Variants in PCDH15 observed in about 807,000 individuals in gnomAD.
The protein encoded by PCDH15 is protocadherin related 15.
A neutral mutation model predicts 178.5 loss-of-function variants in PCDH15; 129 were observed. That is an observed-to-expected ratio of 0.72 (90% confidence interval 0.63 to 0.84). The LOEUF (loss-of-function observed/expected upper bound fraction) is 0.84, where lower values mean the gene tolerates loss of function less well. PCDH15 is among the 40% of genes least tolerant of loss of function. The probability of loss-of-function intolerance (pLI) is 0.00; values close to 1 mark genes in which losing one functional copy is unlikely to be tolerated. For missense variants in PCDH15, 2,230 were observed against 2,099.9 expected, an observed-to-expected ratio of 1.06 and a Z score of -1.21; for synonymous variants, 800 against 732.0, an observed-to-expected ratio of 1.09 and a Z score of -1.50.
chr10:55,321,430 T>C (rs919922280), upstream of PCDH15, among the ~76,000 whole-genome samples: 33 of 152,238 alleles, frequency 2.2e-4, 1 homozygote, highest in African/African-American at 6.7e-4. Context: ...ACTGAGAATA[T>C]TGTATATTGA....
chr10:55,325,645 G>A (rs1844011403), intron 2 of PCDH15, among the ~76,000 whole-genome samples: 1 of 151,936 alleles, frequency 6.6e-6, no homozygotes. Context: ...CTGGACATAA[G>A]AACTGGCAAA....
intron 2 of PCDH15, among the ~76,000 whole-genome samples, chr10:55,399,232 G>A (rs1405583508): frequency 6.6e-6 from 1 of 151,948 alleles, no homozygotes; most frequent in Non-Finnish European, 1.5e-5. Context: ...AAATTCTTGG[G>A]ATTTTAACTG....
intron 25 of PCDH15, among the ~76,000 whole-genome samples, chr10:53,922,317 C>T (rs200584454): frequency 5.9e-4 from 64 of 108,060 alleles, no homozygotes; most frequent in African/African-American, 1.9e-3. Flanking sequence ...TAAAAAATAC[C>T]TTTTTATAGA....
chr10:54,021,105 TAGAA>T (rs906270734), intron 19 of PCDH15, among the ~76,000 whole-genome samples: 6 of 151,838 alleles, frequency 4.0e-5, no homozygotes, highest in African/African-American at 1.4e-4. Flanking sequence ...AATACTAAAA[TAGAA>T]AGGAAAAAAA....
At chr10:54,075,106 G>T (rs185681411) in intron 17 of PCDH15, among the ~76,000 whole-genome samples, 8 of 152,160 alleles carry the variant, frequency 5.3e-5, no homozygotes, top group Non-Finnish European at 1.2e-4. Context: ...GGCTGGGCGT[G>T]GTGGCTCACA....
At chr10:54,324,291 C>T (rs1042576168) in intron 7 of PCDH15, among the ~76,000 whole-genome samples, 2 of 151,830 alleles carry the variant, frequency 1.3e-5, no homozygotes, top group African/African-American at 4.8e-5. Flanking sequence ...TATTTCTGTC[C>T]ATAAAGATAA....
At chr10:54,596,192 A>C (rs2092229509) in intron 2 of PCDH15, among the ~76,000 whole-genome samples, 1 of 152,172 alleles carries the variant, frequency 6.6e-6, no homozygotes, top group Admixed American at 6.5e-5. Context: ...GAAAGAAAAA[A>C]ATGTTAAAAG....
At chr10:54,266,946 C>T (rs537058286) in intron 8 of PCDH15, among the ~76,000 whole-genome samples, 7 of 152,034 alleles carry the variant, frequency 4.6e-5, no homozygotes, top group African/African-American at 1.4e-4. Context: ...CCTATATCAT[C>T]CTGATACCAA....
chr10:55,299,919 G>C (rs1457786131), intron 1 of PCDH15, among the ~76,000 whole-genome samples: 1 of 152,072 alleles, frequency 6.6e-6, no homozygotes, highest in Non-Finnish European at 1.5e-5. Flanking sequence ...CATGAATGCG[G>C]CATGTCACAT....
chr10:54,212,346 T>TA (rs1340667958), intron 10 of PCDH15, among the ~76,000 whole-genome samples: 7 of 152,110 alleles, frequency 4.6e-5, no homozygotes, highest in Admixed American at 3.9e-4. Flanking sequence ...CCCAAACCCT[T>TA]AATAAATGAA....
intron 15 of PCDH15, among the ~76,000 whole-genome samples, chr10:54,094,611 C>G (rs901772558): frequency 3.3e-5 from 5 of 152,112 alleles, no homozygotes; most frequent in African/African-American, 1.2e-4. Context: ...GTACTTCGAC[C>G]ACTTTAATAC....
In PCDH15 at chr10:54,888,379, C is replaced by T. The variant is rs191448800; in HGVS notation, c.-29+9071G>A. 4.8e-4 allele frequency among the ~76,000 whole-genome samples: 72 copies of T among 151,472 alleles called. 1 individual carries two copies. The highest frequency in any genetic ancestry group is 3.4e-3 in the Middle Eastern group (1 of 294). On this transcript the variant is annotated intron_variant, in intron 3 of 5. Transcript: ENST00000458638. ...GTTAGGTATATCAATATTTCTTTTC[C>T]CTGAATTATGAATATTCCAATGCAC...
At chr10:55,549,780 A>G (rs1841967291) in intron 2 of PCDH15, among the ~76,000 whole-genome samples, 2 of 152,082 alleles carry the variant, frequency 1.3e-5, no homozygotes, top group Non-Finnish European at 1.5e-5. Context: ...TTTTGTCACT[A>G]ATGTTGTCAG....
intron 1 of PCDH15, among the ~76,000 whole-genome samples, chr10:55,254,383 A>C (rs1452962402): frequency 1.3e-5 from 2 of 152,184 alleles, no homozygotes; most frequent in African/African-American, 4.8e-5. Context: ...TATGGTTCAG[A>C]GACACCAAAG....
At chr10:55,302,663 A>C (rs993355716) in intron 1 of PCDH15, among the ~76,000 whole-genome samples, 1 of 152,118 alleles carries the variant, frequency 6.6e-6, no homozygotes, top group Non-Finnish European at 1.5e-5. Context: ...TTAAACGGTT[A>C]TCTCATCTCA....
chr10:54,939,119 A>G (rs1411417490), intron 2 of PCDH15, among the ~76,000 whole-genome samples: 1 of 152,150 alleles, frequency 6.6e-6, no homozygotes, highest in Non-Finnish European at 1.5e-5. Flanking sequence ...TAAAATAAAC[A>G]CATAAGTCTT....
At chr10:55,252,357 T>C (rs1431896158) in intron 1 of PCDH15, among the ~76,000 whole-genome samples, 1 of 152,156 alleles carries the variant, frequency 6.6e-6, no homozygotes, top group Non-Finnish European at 1.5e-5. Context: ...GCTATGTCTG[T>C]GCCCTAGATG....
At chr10:54,299,042 G>T (rs2059977308) in intron 8 of PCDH15, among the ~76,000 whole-genome samples, 2 of 152,204 alleles carry the variant, frequency 1.3e-5, no homozygotes, top group Admixed American at 1.3e-4. Flanking sequence ...AAAACCCAAG[G>T]AAGTGGCAGT....
intron 2 of PCDH15, among the ~76,000 whole-genome samples, chr10:55,153,246 C>T (rs985767): frequency 0.94 from 142,853 of 152,048 alleles, 67,435 homozygotes; most frequent in East Asian, 1. Flanking sequence ...AACAAAAAGC[C>T]ATTCTTGAGC....
Sources: allele counts gnomAD v4.1 joint callset (sites outside exome capture counted in the v4.1 genomes callset), GRCh38; gene constraint gnomAD v4.1.1; transcripts MANE v1.5; gene names NCBI Gene and HGNC (gene_info 2026-07-23, HGNC 2026-07-21).